The following KIAA1217 variants were observed in gnomAD, a reference collection of about 807,000 sequenced individuals.
KIAA1217 encodes KIAA1217, also known as sickle tail protein homolog.
A neutral mutation model predicts 163.9 loss-of-function variants in KIAA1217; 88 were observed. The observed-to-expected ratio is 0.54, with a 90% CI of 0.45 to 0.64. The LOEUF (loss-of-function observed/expected upper bound fraction) is 0.64, where lower values mean the gene tolerates loss of function less well. Among genes scored for constraint, KIAA1217 ranks in the 30% least tolerant of loss-of-function variants. The pLI, the probability that KIAA1217 is intolerant of heterozygous loss-of-function variation, is 0.00. For missense variants in KIAA1217, 2,372 were observed against 2,475.0 expected, an observed-to-expected ratio of 0.96 and a Z score of 0.88; for synonymous variants, 903 against 923.1, an observed-to-expected ratio of 0.98 and a Z score of 0.39.
intron 2 of KIAA1217, chr10:24,275,749 C>T (rs2077219026): frequency 1.9e-6 from 1 of 532,578 alleles, no homozygotes; most frequent in Non-Finnish European, 3.9e-6. Flanking sequence ...TAATGGCACA[C>T]ACTGCAATTA....
At chr10:24,338,039 C>T (rs543029577) in intron 2 of KIAA1217, among the ~76,000 whole-genome samples, 1 of 152,162 alleles carries the variant, frequency 6.6e-6, no homozygotes, top group Non-Finnish European at 1.5e-5. Flanking sequence ...CTAAATTTAA[C>T]TTGAATCTGT....
At chr10:24,406,861 A>T (rs2057273472) in intron 3 of KIAA1217, among the ~76,000 whole-genome samples, 1 of 152,250 alleles carries the variant, frequency 6.6e-6, no homozygotes, top group East Asian at 1.9e-4. Context: ...GTAGCCTCAA[A>T]CTCTAAAAAC....
intron 2 of KIAA1217, among the ~76,000 whole-genome samples, chr10:24,354,101 T>C (rs2048780801): frequency 6.6e-6 from 1 of 152,224 alleles, no homozygotes; most frequent in Non-Finnish European, 1.5e-5. Context: ...ATTGAACATA[T>C]GAACTGCCAA....
chr10:24,234,656 C>CAAAAAAAAAAAAAAAA (rs71397938), intron 2 of KIAA1217, among the ~76,000 whole-genome samples: 3 of 73,356 alleles, frequency 4.1e-5, no homozygotes, highest in African/African-American at 1.0e-4. Context: ...AAAACTGTCT[C>CAAAAAAAAAAAAAAAA]AAAAAAAAAA....
chr10:24,304,122 C>T (rs10764460), intron 2 of KIAA1217, among the ~76,000 whole-genome samples: 14,866 of 134,462 alleles, frequency 0.11, 1,186 homozygotes, highest in East Asian at 0.25. Flanking sequence ...CTGTGTGAAT[C>T]CTCCACATTT....
chr10:23,894,654 T>C (rs989456161), intron 1 of KIAA1217, among the ~76,000 whole-genome samples: 7 of 149,664 alleles, frequency 4.7e-5, no homozygotes, highest in African/African-American at 1.7e-4. Flanking sequence ...AAAGTTCATA[T>C]GGAACCAAAA....
intron 2 of KIAA1217, among the ~76,000 whole-genome samples, chr10:24,302,244 C>T (rs1321598526): frequency 6.6e-6 from 1 of 152,122 alleles, no homozygotes; most frequent in African/African-American, 2.4e-5. Context: ...GGACTTGATC[C>T]CCTGTATGAC....
At chr10:23,825,259 A>G (rs1837845695) in intron 1 of KIAA1217, among the ~76,000 whole-genome samples, 1 of 152,158 alleles carries the variant, frequency 6.6e-6, no homozygotes, top group South Asian at 2.1e-4. Context: ...GTGTAATCCT[A>G]TGCTTTTTGG....
rs896324543 is a variant in KIAA1217, at chr10:23,775,784, A to G, written c.-321+80550A>G. ...GTCCGGAGTATTGCATTAAAATGGG[A>G]CAAATCTGGATTTTCTTCCTTTGAT... On this transcript the variant is annotated intron_variant, in intron 1 of 18. Coordinates refer to the KIAA1217 transcript ENST00000376462. Among the ~76,000 whole-genome samples the G allele has an allele frequency of 3.0e-4, 45 of 152,154 alleles. 2 individuals carry two copies. Among genetic ancestry groups the G allele is most frequent in the Non-Finnish European group, 5.9e-5 (4 of 68,032 alleles).
intron 2 of KIAA1217, among the ~76,000 whole-genome samples, chr10:24,029,161 C>A (rs1017017290): frequency 6.6e-6 from 1 of 152,028 alleles, no homozygotes; most frequent in East Asian, 1.9e-4. Flanking sequence ...ATGTAATCAT[C>A]CAAATAATCC....
intron 1 of KIAA1217, among the ~76,000 whole-genome samples, chr10:23,766,359 G>T (rs988150350): frequency 6.6e-6 from 1 of 152,184 alleles, no homozygotes; most frequent in African/African-American, 2.4e-5. Flanking sequence ...CCTCAAGTTT[G>T]TCGTTATATG....
chr10:24,462,708 T>C (rs946628738), intron 5 of KIAA1217, among the ~76,000 whole-genome samples: 1 of 152,284 alleles, frequency 6.6e-6, no homozygotes, highest in Non-Finnish European at 1.5e-5. Context: ...TGCTATGTGA[T>C]TATTGGAGTG....
chr10:24,389,778 G>A (rs367846451), intron 3 of KIAA1217, among the ~76,000 whole-genome samples: 2 of 152,162 alleles, frequency 1.3e-5, no homozygotes, highest in Non-Finnish European at 2.9e-5. Flanking sequence ...GGTTCTGGAA[G>A]GTGAGAAGCA....
rs1252326923 is a variant in KIAA1217 at position 24,088,303 on chromosome 10, A to T, written c.-171+80929A>T. ...CACATATATGTGTATATATATATAT[A>T]TATTTATTATACTTTAAGTTCTAGG... On this transcript the variant is annotated intron_variant, in intron 2 of 18. Coordinates refer to the KIAA1217 transcript ENST00000376462. 1.7e-5 allele frequency among the ~76,000 whole-genome samples: 2 copies of T among 115,518 alleles called. 1 individual carries two copies. The highest frequency in any genetic ancestry group is 4.2e-5 in the Non-Finnish European group (2 of 47,478). The allele number at this position is 115,518 out of a possible 152,430, so 75.8% of individuals were successfully genotyped here.
At chr10:24,325,814 TAAAG>T (rs1295482384) in intron 2 of KIAA1217, among the ~76,000 whole-genome samples, 2 of 152,032 alleles carry the variant, frequency 1.3e-5, no homozygotes, top group South Asian at 2.1e-4. Flanking sequence ...GGGAAGAAAA[TAAAG>T]AAATAATTTG....
Position 23,913,012 on chromosome 10 carries a change from A to G in KIAA1217, c.-320-94213A>G, listed in dbSNP as rs1198228182. On this transcript the variant is annotated intron_variant, in intron 1 of 18. Transcript: ENST00000376462. Reference sequence around the variant, plus strand: ...AGTTTCTCTTCTGAGTTGTCTATGTAGCACCCAACACAGCATCTCTAGCAG... The same window carrying G: ...AGTTTCTCTTCTGAGTTGTCTATGTGGCACCCAACACAGCATCTCTAGCAG... 2.6e-5 allele frequency among the ~76,000 whole-genome samples: 4 copies of G among 152,148 alleles called. No homozygotes were observed. In the East Asian group the frequency reaches 7.7e-4, roughly 29 times the overall value.
At chr10:24,091,596 G>A (rs761279148) in intron 2 of KIAA1217, among the ~76,000 whole-genome samples, 2 of 151,814 alleles carry the variant, frequency 1.3e-5, no homozygotes, top group Non-Finnish European at 2.9e-5. Context: ...TACCTACCCA[G>A]GTCCTGGTGA....
intron 1 of KIAA1217, among the ~76,000 whole-genome samples, chr10:23,905,737 G>A (rs1396403928): frequency 2.0e-5 from 3 of 152,084 alleles, no homozygotes; most frequent in South Asian, 2.1e-4. Flanking sequence ...CTAAACAGTA[G>A]TATCATTACC....
In KIAA1217 at chr10:23,988,044, A is replaced by AT. The variant is rs1057255440; in HGVS notation, c.-320-19172dup. Among the ~76,000 whole-genome samples the AT allele has an allele frequency of 2.2e-4, 31 of 143,876 alleles. 1 individual carries two copies. Among genetic ancestry groups the AT allele is most frequent in the East Asian group, 7.9e-4 (4 of 5,076 alleles). 94.4% of individuals were successfully genotyped at this position (143,876 alleles called of 152,430 possible). ...TATTTAAAAGTGTTTTTTTATTTTT[A>AT]TTTTTTTTTAAAAAGCAGCGTGGAT... On this transcript the variant is annotated intron_variant, in intron 1 of 18. Coordinates refer to the KIAA1217 transcript ENST00000376462.
Sources: gnomAD v4.1 joint callset for allele counts (sites outside exome capture counted in the v4.1 genomes callset) on GRCh38, gnomAD v4.1.1 for gene constraint, MANE v1.5 for transcripts, NCBI Gene and HGNC (gene_info 2026-07-23, HGNC 2026-07-21) for gene names.